The following SNX29 variants were observed in gnomAD, a reference collection of about 807,000 sequenced individuals.
SNX29 encodes sorting nexin-29.
SNX29 carries 78 observed loss-of-function variants against 102.1 expected under a neutral mutation model. That is an observed-to-expected ratio of 0.76 (90% CI 0.64 to 0.92). The LOEUF (loss-of-function observed/expected upper bound fraction) is 0.92, where lower values mean the gene tolerates loss of function less well. SNX29 is among the 40% of genes least tolerant of loss of function. The pLI, the probability that SNX29 is intolerant of heterozygous loss-of-function variation, is 0.00. For synonymous variants in SNX29, 580 were observed against 414.5 expected (o/e 1.40, Z -4.85); for missense variants, 1,280 against 1,061.7 (o/e 1.21, Z -2.86).
intron 13 of SNX29, among the ~76,000 whole-genome samples, chr16:12,164,261 A>G (rs830696): frequency 0.42 from 63,304 of 152,000 alleles, 16,798 homozygotes; most frequent in African/African-American, 0.76. Flanking sequence ...TGAGAGGGCA[A>G]TGAGGTACGA....
intron 20 of SNX29, among the ~76,000 whole-genome samples, chr16:12,564,321 T>C (rs2078898169): frequency 6.6e-6 from 1 of 152,362 alleles, no homozygotes; most frequent in South Asian, 2.1e-4. Flanking sequence ...CACTAGTGTC[T>C]CTTACCTTAT....
intron 19 of SNX29, among the ~76,000 whole-genome samples, chr16:12,508,586 C>G (rs1349047425): frequency 6.6e-6 from 1 of 152,220 alleles, no homozygotes; most frequent in Non-Finnish European, 1.5e-5. Context: ...GCAGACAGAG[C>G]TGGCCCTGCG....
intron 20 of SNX29, among the ~76,000 whole-genome samples, chr16:12,532,748 C>T (rs2076965724): frequency 6.6e-6 from 1 of 152,124 alleles, no homozygotes; most frequent in Non-Finnish European, 1.5e-5. Context: ...TGGATGGAAG[C>T]TGGGGACAGG....
intron 20 of SNX29, chr16:12,546,591 G>C (rs2077620488): frequency 6.6e-6 from 1 of 152,192 alleles, no homozygotes; most frequent in African/African-American, 2.4e-5. Flanking sequence ...CCCCACCCAA[G>C]GATAATACAG....
chr16:12,344,715 C>T (rs994226620), intron 15 of SNX29, among the ~76,000 whole-genome samples: 1 of 152,198 alleles, frequency 6.6e-6, no homozygotes, highest in Admixed American at 6.5e-5. Flanking sequence ...TCACTGTATC[C>T]TCCTCTTCCT....
At chr16:12,246,218 G>C (rs1391131439) in intron 14 of SNX29, among the ~76,000 whole-genome samples, 2 of 152,124 alleles carry the variant, frequency 1.3e-5, no homozygotes, top group Non-Finnish European at 2.9e-5. Context: ...GGAAGCAAGA[G>C]GGTGCAGCTG....
chr16:12,551,562 G>C (rs1424713990), intron 20 of SNX29, among the ~76,000 whole-genome samples: 1 of 152,208 alleles, frequency 6.6e-6, no homozygotes, highest in African/African-American at 2.4e-5. Context: ...GCAAAGTTGA[G>C]AAGCCCTGCT....
At chr16:12,155,331 C>T (rs778345180) in intron 13 of SNX29, among the ~76,000 whole-genome samples, 8 of 152,116 alleles carry the variant, frequency 5.3e-5, no homozygotes, top group Non-Finnish European at 1.2e-4. Context: ...TCGGTGGATT[C>T]AGAAGAACAG....
intron 15 of SNX29, among the ~76,000 whole-genome samples, chr16:12,311,162 C>T (rs140492686): frequency 2.0e-5 from 3 of 152,338 alleles, no homozygotes; most frequent in Non-Finnish European, 2.9e-5. Context: ...TCATTTGAAA[C>T]CCTGTTGGGA....
At chr16:12,412,380 G>C (rs1381316010) in intron 18 of SNX29, among the ~76,000 whole-genome samples, 1 of 152,200 alleles carries the variant, frequency 6.6e-6, no homozygotes, top group Admixed American at 6.5e-5. Context: ...ATTTGTCTCA[G>C]TGAAATGAAC....
At chr16:12,562,787 CCAT>C (rs2078801845) in intron 20 of SNX29, among the ~76,000 whole-genome samples, 1 of 152,158 alleles carries the variant, frequency 6.6e-6, no homozygotes, top group South Asian at 2.1e-4. Flanking sequence ...TTAGCCATCA[CCAT>C]CAAGATGTGG....
intron 20 of SNX29, among the ~76,000 whole-genome samples, chr16:12,556,129 CA>C (rs1483982732): frequency 1.2e-4 from 19 of 152,146 alleles, no homozygotes; most frequent in African/African-American, 4.6e-4. Flanking sequence ...CTTATGTTCT[CA>C]AAGTGATGGT....
At chr16:12,560,978 T>A (rs1176235739) in intron 20 of SNX29, 1 of 213,496 alleles carries the variant, frequency 4.7e-6, no homozygotes, top group East Asian at 6.9e-5. Flanking sequence ...AAGGAACCCT[T>A]GGGTACTGCC....
intron 15 of SNX29, among the ~76,000 whole-genome samples, chr16:12,282,516 T>C (rs954067649): frequency 6.6e-6 from 1 of 152,130 alleles, no homozygotes; most frequent in African/African-American, 2.4e-5. Flanking sequence ...CAGCATATAG[T>C]AGGAGAAACA....
chr16:12,327,882 G>A (rs2081169190), intron 15 of SNX29, among the ~76,000 whole-genome samples: 1 of 152,142 alleles, frequency 6.6e-6, no homozygotes, highest in African/African-American at 2.4e-5. Context: ...GGGCCAGGTG[G>A]ACAGGGCCCT....
At chr16:12,286,235 T>C (rs1299418396) in intron 15 of SNX29, among the ~76,000 whole-genome samples, 2 of 152,122 alleles carry the variant, frequency 1.3e-5, no homozygotes, top group Non-Finnish European at 2.9e-5. Flanking sequence ...ATGGAGTGTT[T>C]AAGTGTCTCC....
At chr16:12,150,169 G>A (rs1032147222) in intron 13 of SNX29, among the ~76,000 whole-genome samples, 6 of 152,190 alleles carry the variant, frequency 3.9e-5, no homozygotes, top group African/African-American at 1.4e-4. Flanking sequence ...GAGGGACAGA[G>A]CCATAATCCC....
At chr16:12,171,282 C>A (rs1176817420) in intron 13 of SNX29, among the ~76,000 whole-genome samples, 1 of 152,064 alleles carries the variant, frequency 6.6e-6, no homozygotes, top group East Asian at 1.9e-4. Context: ...GGTCTGGGGT[C>A]TGCCGTTGCA....
intron 14 of SNX29, among the ~76,000 whole-genome samples, chr16:12,245,222 T>A (rs1000797348): frequency 5.9e-5 from 9 of 152,188 alleles, no homozygotes; most frequent in African/African-American, 2.2e-4. Flanking sequence ...TTGCTCCCTA[T>A]GAGCTGTGTG....
Sources: gnomAD v4.1 joint callset for allele counts (sites outside exome capture counted in the v4.1 genomes callset) on GRCh38, gnomAD v4.1.1 for gene constraint, MANE v1.5 for transcripts, NCBI Gene and HGNC (gene_info 2026-07-23, HGNC 2026-07-21) for gene names.